Variants in FGF2 observed in about 807,000 individuals in gnomAD.
FGF2 encodes fibroblast growth factor 2, also known as basic fibroblast growth factor bFGF.
FGF2 carries 13 observed loss-of-function variants against 15.9 expected under a neutral mutation model. The observed-to-expected ratio is 0.82, with a 90% CI of 0.53 to 1.30. The LOEUF is 1.30. FGF2 is among the 50% of genes most tolerant of loss of function. The pLI, the probability that FGF2 is intolerant of heterozygous loss-of-function variation, is 0.00. For synonymous variants in FGF2, 90 were observed against 78.4 expected, an observed-to-expected ratio of 1.15 and a Z score of -0.78; for missense variants, 163 against 196.9, an observed-to-expected ratio of 0.83 and a Z score of 1.03.
intron 1 of FGF2, among the ~76,000 whole-genome samples, chr4:122,840,160 G>A (rs774349913): frequency 1.3e-5 from 2 of 152,136 alleles, no homozygotes; most frequent in Non-Finnish European, 2.9e-5. Context: ...TGGGATTAGA[G>A]CTTCAACATG....
At chr4:122,834,811 T>G (rs1238281966) in intron 1 of FGF2, among the ~76,000 whole-genome samples, 2 of 152,216 alleles carry the variant, frequency 1.3e-5, no homozygotes, top group African/African-American at 4.8e-5. Context: ...ATAAAGCTAA[T>G]GAAAGGCCCT....
chr4:122,876,125 G>A (rs1178553251), intron 1 of FGF2, among the ~76,000 whole-genome samples, 196 bp from the exon 2 acceptor site: 1 of 152,130 alleles, frequency 6.6e-6, no homozygotes, highest in Non-Finnish European at 1.5e-5. Flanking sequence ...TGCCCTAGTA[G>A]TTCTGCATCT....
chr4:122,827,297 G>T lies in FGF2; in HGVS notation c.123G>T (p.Leu41=). The T allele has an allele frequency of 6.2e-7, 1 of 1,612,996 alleles. No homozygotes were observed. Among genetic ancestry groups the T allele is most frequent in the Non-Finnish European group, 8.5e-7 (1 of 1,179,906 alleles). Residue 41 remains leucine, a synonymous_variant, in exon 1 of 3, where the codon CTG becomes CTT. Coordinates refer to ENST00000644866, the MANE Select transcript of FGF2 (RefSeq NM_001361665.2). The surrounding 1 kb of genome is among the most constrained non-coding windows in gnomAD (Gnocchi z 4.2). ...RLYCKNGGFF[L]RIHPDGRVDG... is the part of the protein sequence containing the mutation. ...ACTGCAAAAACGGGGGCTTCTTCCT[G>T]CGCATCCACCCCGACGGCCGAGTTG... is the stretch of plus-strand genomic sequence containing the variant.
intron 1 of FGF2, among the ~76,000 whole-genome samples, chr4:122,833,512 A>G (rs1241575811): frequency 6.6e-6 from 1 of 152,236 alleles, no homozygotes; most frequent in African/African-American, 2.4e-5. Context: ...CAGAGTAGTA[A>G]TGATCTGGCT....
rs532051803 is a variant in FGF2 at position 122,851,001 on chromosome 4, T to C, written c.178+23649T>C. Among the ~76,000 whole-genome samples, 44 of 152,284 alleles carry C rather than the reference T, an allele frequency of 2.9e-4. 1 individual carries two copies. In the South Asian group the frequency reaches 9.1e-3, roughly 32 times the overall value. On this transcript the variant is annotated intron_variant, in intron 1 of 2. Transcript: ENST00000644866. ...AACACATAGTATAAGAAGACTTTCTTTGGGGAGAGAAGACTTCTTGGTATT... is the reference window on the plus strand; with the variant it reads ...AACACATAGTATAAGAAGACTTTCTCTGGGGAGAGAAGACTTCTTGGTATT...
At chr4:122,867,990 A>G (rs1414335279) in intron 1 of FGF2, among the ~76,000 whole-genome samples, 5 of 152,184 alleles carry the variant, frequency 3.3e-5, no homozygotes, top group African/African-American at 4.8e-5. Flanking sequence ...CAGTTTTACT[A>G]TTAACTTGCC....
chr4:122,856,817 A>C (rs978776466), intron 1 of FGF2, among the ~76,000 whole-genome samples: 1 of 152,154 alleles, frequency 6.6e-6, no homozygotes, highest in African/African-American at 2.4e-5. Context: ...CATCACGGTG[A>C]TTCCTCAGGT....
At chr4:122,845,387 CAA>C (rs1424880347) in intron 1 of FGF2, among the ~76,000 whole-genome samples, 2 of 152,204 alleles carry the variant, frequency 1.3e-5, no homozygotes, top group East Asian at 3.9e-4. Flanking sequence ...TAGCCTCTAA[CAA>C]GAGAGTCAGC....
chr4:122,892,786 T>C lies in FGF2; in HGVS notation c.*390T>C, dbSNP rs1727222405. 2.7e-6 allele frequency: 4 copies of C among 1,469,238 alleles called. No homozygotes were observed. Among genetic ancestry groups the C allele is most frequent in the Admixed American group, 4.3e-5 (2 of 46,308 alleles). The allele number at this position is 1,469,238 out of a possible 1,614,324, so 91.0% of individuals were successfully genotyped here. A position where few individuals can be genotyped will look rare whatever the true frequency, so the allele number is the denominator to read the frequency against. ...TCCAAAATGTCCACTATTTCTTATG[T>C]CATTCGTTAGTCTACATGTTTCTAA... On this transcript the variant is annotated 3_prime_UTR_variant, in exon 3 of 3. Coordinates refer to ENST00000644866, the MANE Select transcript of FGF2 (RefSeq NM_001361665.2).
intron 1 of FGF2, among the ~76,000 whole-genome samples, chr4:122,859,653 T>TACACACAC (rs3034609): frequency 2.7e-5 from 4 of 149,668 alleles, no homozygotes; most frequent in African/African-American, 5.0e-5. Context: ...CATATGTATA[T>TACACACAC]ACACACACAC....
rs1057396138 is a variant in FGF2, at chr4:122,893,455, T to A, written c.*1059T>A. 1 of 410,676 alleles carries A rather than the reference T, an allele frequency of 2.4e-6. No homozygotes were observed. Among genetic ancestry groups the A allele is most frequent in the Non-Finnish European group, 4.3e-6 (1 of 234,952 alleles). 25.4% of individuals were successfully genotyped at this position (410,676 alleles called of 1,614,324 possible). A position where few individuals can be genotyped will look rare whatever the true frequency, so the allele number is the denominator to read the frequency against. On this transcript the variant is annotated 3_prime_UTR_variant, in exon 3 of 3. Transcript: ENST00000644866. ...AAATGCTGAATATTTCTTTGGCTGC[T>A]ACTTGGAGGCTTATCTACCTGTACA...
Position 122,826,936 on chromosome 4 carries a change from A to G in FGF2, c.-239A>G. ...CGTCCGCGGAGACACCCATCCGTGAACCCCAGGTCCCGGGCCGCCGGCTCG... is the reference window on the plus strand; with the variant it reads ...CGTCCGCGGAGACACCCATCCGTGAGCCCCAGGTCCCGGGCCGCCGGCTCG... On this transcript the variant is annotated 5_prime_UTR_variant, in exon 1 of 3. Coordinates refer to ENST00000644866, the MANE Select transcript of FGF2 (RefSeq NM_001361665.2). 6.9e-7 allele frequency: 1 copy of G among 1,451,158 alleles called. No homozygotes were observed. Among genetic ancestry groups the G allele is most frequent in the Non-Finnish European group, 9.1e-7 (1 of 1,099,120 alleles). 89.9% of individuals were successfully genotyped at this position (1,451,158 alleles called of 1,614,324 possible). A position where few individuals can be genotyped will look rare whatever the true frequency, so the allele number is the denominator to read the frequency against.
intron 1 of FGF2, among the ~76,000 whole-genome samples, chr4:122,837,431 G>A (rs1027742090): frequency 6.6e-6 from 1 of 152,164 alleles, no homozygotes; most frequent in Non-Finnish European, 1.5e-5. Flanking sequence ...CATATCACTT[G>A]ATAAACACTT....
chr4:122,838,892 C>T (rs1338522166), intron 1 of FGF2, among the ~76,000 whole-genome samples: 5 of 152,134 alleles, frequency 3.3e-5, no homozygotes, highest in Admixed American at 1.3e-4. Context: ...CATGATGTTT[C>T]GGTTAATTGC....
intron 1 of FGF2, among the ~76,000 whole-genome samples, chr4:122,856,153 CA>C (rs1201593234): frequency 6.6e-6 from 1 of 152,120 alleles, no homozygotes; most frequent in Non-Finnish European, 1.5e-5. Flanking sequence ...AGAATAAAAT[CA>C]TTGAAATTTA....
intron 1 of FGF2, among the ~76,000 whole-genome samples, chr4:122,839,379 A>G (rs576490931): frequency 6.6e-6 from 1 of 152,302 alleles, no homozygotes; most frequent in Admixed American, 6.5e-5. Context: ...TTAAAACAAC[A>G]ACAACAACAA....
At chr4:122,872,844 C>G (rs998777991) in intron 1 of FGF2, among the ~76,000 whole-genome samples, 1 of 152,134 alleles carries the variant, frequency 6.6e-6, no homozygotes, top group Admixed American at 6.5e-5. Context: ...TTGTCACCAC[C>G]AGGCCTGCCT....
At chr4:122,848,154 C>G (rs1183289304) in intron 1 of FGF2, among the ~76,000 whole-genome samples, 1 of 152,168 alleles carries the variant, frequency 6.6e-6, no homozygotes, top group Non-Finnish European at 1.5e-5. Context: ...TCAGAGACTT[C>G]CTAACAGAGG....
Position 122,893,772 on chromosome 4 carries a change from CAT to C in FGF2, c.*1379_*1380del, listed in dbSNP as rs1727263112. ...GTGGCAGGATTTTTATTGCCATTAA[CAT>C]ATTTTTGTGGCTGCTTTTTCTACAC... On this transcript the variant is annotated 3_prime_UTR_variant, in exon 3 of 3. Coordinates refer to ENST00000644866, the MANE Select transcript of FGF2 (RefSeq NM_001361665.2). 1 of 152,172 alleles carries C rather than the reference CAT, an allele frequency of 6.6e-6. No individual in the cohort carries two copies. The highest frequency in any genetic ancestry group is 2.4e-5 in the African/African-American group (1 of 41,422). 9.4% of individuals were successfully genotyped at this position (152,172 alleles called of 1,614,324 possible).
Sources: allele counts gnomAD v4.1 joint callset (sites outside exome capture counted in the v4.1 genomes callset), GRCh38; gene constraint gnomAD v4.1.1; non-coding constraint Gnocchi (gnomAD v3.1); transcripts MANE v1.5; gene names NCBI Gene and HGNC (gene_info 2026-07-23, HGNC 2026-07-21).